The following DEFB113 variants were observed in gnomAD, a reference collection of about 807,000 sequenced individuals.
DEFB113 encodes beta-defensin 113.
A neutral mutation model predicts 2.5 loss-of-function variants in DEFB113; 5 were observed. The observed-to-expected ratio is 1.99, with a 90% CI of 1.04 to 4.18. DEFB113 has a LOEUF of 4.18. DEFB113 is among the 30% of genes most tolerant of loss of function. DEFB113 has a pLI of 0.00. For synonymous variants in DEFB113, 42 were observed against 31.6 expected (o/e 1.33, Z -1.11); for missense variants, 123 against 96.6 (o/e 1.27, Z -1.14).
At position 49,968,832 on chromosome 6, in the gene DEFB113, T is replaced by G; in HGVS notation, c.94A>C (p.Lys32Gln). The G allele has an allele frequency of 6.2e-7, 1 of 1,601,742 alleles. No homozygotes were observed. Among genetic ancestry groups the G allele is most frequent in the Non-Finnish European group, 8.5e-7 (1 of 1,174,274 alleles). The change falls in exon 2 of 2, where the codon AAA (lysine) becomes CAA (glutamine). Residue 32 changes from lysine to glutamine, a missense_variant. Physicochemically the swap from Lys to Gln is moderately conservative, Grantham distance 53. Transcript: ENST00000398718. ...QKKTREVAER[K>Q]RECQLVRGAC... The stretch of plus-strand genomic sequence containing the variant: ...CCACGAACAAGCTGACATTCTCTTT[T>G]TCTCTCTGCAACTTCTCTTGTTTTT...
At chr6:49,969,382 A>C (rs1172430465) in intron 1 of DEFB113, among the ~76,000 whole-genome samples, 186 bp downstream of exon 1, 1 of 151,258 alleles carries the variant, frequency 6.6e-6, no homozygotes, top group Non-Finnish European at 1.5e-5. Context: ...AGGAAGTTTT[A>C]AAAATTATTT....
Position 49,968,840 on chromosome 6 carries a change from G to A in DEFB113, c.86C>T (p.Ala29Val), listed in dbSNP as rs772880812. The A allele has an allele frequency of 5.0e-6, 8 of 1,598,382 alleles. No homozygotes were observed. Among genetic ancestry groups the A allele is most frequent in the Middle Eastern group, 1.7e-4 (1 of 6,036 alleles). The change falls in exon 2 of 2, where the codon GCA becomes GTA. Residue 29 changes from alanine (A) to valine (V), a missense_variant. Coordinates refer to ENST00000398718, the MANE Select transcript of DEFB113 (RefSeq NM_001037729.1). ...AAGCTGACATTCTCTTTTTCTCTCTGCAACTTCTCTTGTTTTTTTCTGTGG... is the reference window on the plus strand; with the variant it reads ...AAGCTGACATTCTCTTTTTCTCTCTACAACTTCTCTTGTTTTTTTCTGTGG... ...SVPQKKTREV[A>V]ERKRECQLVR...
At position 49,969,557 on chromosome 6, in the gene DEFB113, A is replaced by G. The variant is rs760624252; in HGVS notation, c.58+11T>C. The stretch of plus-strand genomic sequence containing the variant: ...TGCCTTTCACATCTTTTTTATAATA[A>G]CAAATATTACCTGATGGACCACAAG... On this transcript the variant is annotated intron_variant, in intron 1 of 1. Transcript: ENST00000398718. 9 of 1,583,546 alleles carry G rather than the reference A, an allele frequency of 5.7e-6. No homozygotes were observed. The highest frequency in any genetic ancestry group is 2.3e-5 in the South Asian group (2 of 87,862).
Position 49,969,545 on chromosome 6 carries a change from TTTTTTATAA to T in DEFB113, c.58+14_58+22del. The T allele has an allele frequency of 6.4e-7, 1 of 1,559,258 alleles. No individual in the cohort carries two copies. Among genetic ancestry groups the T allele is most frequent in the African/African-American group, 1.4e-5 (1 of 72,976 alleles). ...ATAAGAACATTTTGCCTTTCACATC[TTTTTTATAA>T]TAACAAATATTACCTGATGGACCAC... is the stretch of plus-strand genomic sequence containing the variant. On this transcript the variant is annotated intron_variant, in intron 1 of 1. Coordinates refer to ENST00000398718, the MANE Select transcript of DEFB113 (RefSeq NM_001037729.1).
chr6:49,969,584 C>T lies in DEFB113; in HGVS notation c.42G>A (p.Val14=), dbSNP rs942351754. ...LCIFLTFVFT[V]SCGPSVPQKK... is the part of the protein sequence containing the mutation. ...AAATATTACCTGATGGACCACAAGA[C>T]ACAGTGAAGACAAAGGTCAGAAAAA... Residue 14 remains valine, a synonymous_variant, in exon 1 of 2, where the codon GTG becomes GTA. Coordinates refer to ENST00000398718, the MANE Select transcript of DEFB113 (RefSeq NM_001037729.1). The T allele has an allele frequency of 6.2e-7, 1 of 1,606,022 alleles. No individual in the cohort carries two copies. Among genetic ancestry groups the T allele is most frequent in the Non-Finnish European group, 8.5e-7 (1 of 1,174,792 alleles).
In DEFB113 at chr6:49,968,868, C is replaced by G; in HGVS notation, c.59-1G>C. ...ACTTCTCTTGTTTTTTTCTGTGGAA[C>G]TAGGAAAAAGTAGCTATGACCATAA... is the stretch of plus-strand genomic sequence containing the variant. On this transcript the variant is annotated splice_acceptor_variant, in intron 1 of 1. Transcript: ENST00000398718. LOFTEE classifies it high-confidence loss of function. The G allele has an allele frequency of 6.3e-7, 1 of 1,595,882 alleles. No homozygotes were observed. Among genetic ancestry groups the G allele is most frequent in the Non-Finnish European group, 8.5e-7 (1 of 1,171,902 alleles).
chr6:49,968,716 T>C lies in DEFB113; in HGVS notation c.210A>G (p.Pro70=). The C allele has an allele frequency of 6.6e-7, 1 of 1,520,498 alleles. No individual in the cohort carries two copies. The highest frequency in any genetic ancestry group is 1.4e-5 in the African/African-American group (1 of 71,580). The allele number at this position is 1,520,498 out of a possible 1,614,324, so 94.2% of individuals were successfully genotyped here. ...PCCAVWEYQK[P]IINKITSKLH... is the part of the protein sequence containing the mutation. ...GTTTACTAGTGATTTTGTTAATGAT[T>C]GGCTTTTGGTATTCCCATACCGCAC... is the stretch of plus-strand genomic sequence containing the variant. Residue 70 remains proline (P), a synonymous_variant, in exon 2 of 2, where the codon CCA becomes CCG. Coordinates refer to ENST00000398718, the MANE Select transcript of DEFB113 (RefSeq NM_001037729.1).
intron 1 of DEFB113, 133 bp downstream of exon 1, chr6:49,969,424 CCATGAAAAAAT>C (rs1773597317): frequency 1.9e-6 from 1 of 527,988 alleles, no homozygotes; most frequent in Non-Finnish European, 3.3e-6. Context: ...ATTTCTTCCC[CCATGAAAAAAT>C]AGAGAAAATT....
intron 1 of DEFB113, 82 bp downstream of exon 1, chr6:49,969,482 AATTT>A: frequency 3.0e-6 from 3 of 1,007,578 alleles, no homozygotes; most frequent in Non-Finnish European, 4.4e-6. Context: ...TCCTAACAAT[AATTT>A]ATTTGTTTTT....
Sources: allele counts gnomAD v4.1 joint callset (sites outside exome capture counted in the v4.1 genomes callset), GRCh38; gene constraint gnomAD v4.1.1; transcripts MANE v1.5; gene names NCBI Gene and HGNC (gene_info 2026-07-23, HGNC 2026-07-21).